The following SATB2 variants were observed in gnomAD, a reference collection of about 807,000 sequenced individuals.
SATB2 encodes the protein SATB homeobox 2, also known as DNA-binding protein SATB2.
Under a neutral mutation model 73.4 loss-of-function variants are expected in SATB2, and 1 was observed. That is an observed-to-expected ratio of 0.01 (90% CI 0.00 to 0.06). SATB2 has a LOEUF of 0.06. Ranked by LOEUF, SATB2 falls within the 10% of genes least tolerant of loss-of-function variation. The probability of loss-of-function intolerance (pLI) is 1.00; values close to 1 mark genes in which losing one functional copy is unlikely to be tolerated. For missense variants in SATB2, 459 were observed against 945.8 expected, an observed-to-expected ratio of 0.49 and a Z score of 6.75; for synonymous variants, 397 against 367.0, an observed-to-expected ratio of 1.08 and a Z score of -0.93.
At chr2:199,288,258 T>G (rs1311570070) in intron 10 of SATB2, among the ~76,000 whole-genome samples, 1 of 152,178 alleles carries the variant, frequency 6.6e-6, no homozygotes, top group Non-Finnish European at 1.5e-5. Context: ...TCATCAAAAT[T>G]TGCTAGCACA....
At chr2:199,400,812 A>C (rs1308231698) in intron 3 of SATB2, among the ~76,000 whole-genome samples, 1 of 152,188 alleles carries the variant, frequency 6.6e-6, no homozygotes, top group South Asian at 2.1e-4. Flanking sequence ...CAAAGCCCAC[A>C]TTCTTTCCAC....
chr2:199,412,474 A>G (rs929079718), intron 3 of SATB2, among the ~76,000 whole-genome samples: 1 of 152,180 alleles, frequency 6.6e-6, no homozygotes, highest in Admixed American at 6.5e-5. Context: ...GGAACCCCTC[A>G]CCACACGCCC....
upstream of SATB2, chr2:199,458,620 T>G: frequency 2.3e-6 from 1 of 435,106 alleles, no homozygotes; most frequent in East Asian, 8.7e-5. Flanking sequence ...GACAAGGCAG[T>G]CGCTGGGTGC....
intron 6 of SATB2, among the ~76,000 whole-genome samples, chr2:199,353,683 T>C (rs1688888822): frequency 6.6e-6 from 1 of 152,104 alleles, no homozygotes; most frequent in African/African-American, 2.4e-5. Flanking sequence ...GCTTTCCTGC[T>C]TTTCTCTTTC....
intron 10 of SATB2, among the ~76,000 whole-genome samples, chr2:199,275,157 T>C (rs1402848511): frequency 6.6e-6 from 1 of 152,180 alleles, no homozygotes; most frequent in East Asian, 1.9e-4. Flanking sequence ...ATTGAATAAT[T>C]AGATTGGTTC....
intron 2 of SATB2, among the ~76,000 whole-genome samples, chr2:199,446,619 T>C (rs1242247638): frequency 1.3e-5 from 2 of 152,356 alleles, no homozygotes; most frequent in South Asian, 4.1e-4. Flanking sequence ...GAACCACTAA[T>C]AGACCCTTAA....
At chr2:199,374,228 A>G (rs1295817998) in intron 5 of SATB2, among the ~76,000 whole-genome samples, 3 of 152,238 alleles carry the variant, frequency 2.0e-5, no homozygotes, top group Non-Finnish European at 4.4e-5. Context: ...TCAAATATTC[A>G]GCAACAAAGT....
intron 6 of SATB2, 149 bp downstream of exon 6, chr2:199,368,456 T>C (rs2105849806): frequency 1.6e-6 from 1 of 641,064 alleles, no homozygotes; most frequent in East Asian, 2.8e-5. Context: ...GGGAGCCAAC[T>C]AGGATCTCAT....
At chr2:199,283,128 G>C (rs1054790603) in intron 10 of SATB2, among the ~76,000 whole-genome samples, 1 of 149,224 alleles carries the variant, frequency 6.7e-6, no homozygotes, top group African/African-American at 2.5e-5. Context: ...CTGTCGCCCA[G>C]GCTGGAGTGC....
rs767336885 is a variant in SATB2 at position 199,379,835 on chromosome 2, G to T, written c.597+529C>A. On this transcript the variant is annotated intron_variant, in intron 5 of 10. Coordinates refer to ENST00000417098, the MANE Select transcript of SATB2 (RefSeq NM_001172509.2). Reference sequence around the variant, plus strand: ...GAGCCACCATGCCTGGCCCGTATACGTAAATTGTTTTAATACTCTCTCCTT... The same window carrying T: ...GAGCCACCATGCCTGGCCCGTATACTTAAATTGTTTTAATACTCTCTCCTT... Among the ~76,000 whole-genome samples, 44 of 150,690 alleles carry T rather than the reference G, an allele frequency of 2.9e-4. 1 individual carries two copies. The highest frequency in any genetic ancestry group is 5.9e-5 in the Non-Finnish European group (4 of 67,658).
chr2:199,467,029 G>A (rs1466778841), upstream of SATB2, among the ~76,000 whole-genome samples: 2 of 152,258 alleles, frequency 1.3e-5, no homozygotes, highest in African/African-American at 2.4e-5. Context: ...GTGCGGCCCC[G>A]GCTGGCCGCC....
In SATB2 at chr2:199,455,224, T is replaced by C. The variant is rs1574644651; in HGVS notation, c.169+645A>G. Among the ~76,000 whole-genome samples, 1 of 152,384 alleles carries C rather than the reference T, an allele frequency of 6.6e-6. No homozygotes were observed. The highest frequency in any genetic ancestry group is 1.9e-4 in the East Asian group (1 of 5,192). On this transcript the variant is annotated intron_variant, in intron 2 of 10. Transcript: ENST00000417098. The surrounding 1 kb of genome is among the most constrained non-coding windows in gnomAD (Gnocchi z 4.1). Reference sequence around the variant, plus strand: ...AATTCTTTGGAGGGGAAACTACATCTAGTTGATAAGGCTACTTTGCTATTT... The same window carrying C: ...AATTCTTTGGAGGGGAAACTACATCCAGTTGATAAGGCTACTTTGCTATTT...
intron 9 of SATB2, among the ~76,000 whole-genome samples, chr2:199,319,513 C>G (rs1324484119): frequency 6.6e-6 from 1 of 152,006 alleles, no homozygotes; most frequent in Admixed American, 6.6e-5. Flanking sequence ...TGGAACAGAA[C>G]AGGGTGTATC....
Position 199,334,190 on chromosome 2 carries a change from C to T in SATB2, c.1174-5280G>A, listed in dbSNP as rs77423773. The stretch of plus-strand genomic sequence containing the variant: ...GACAGCTTAGATGTACTTCTGATTC[C>T]TATGCTAAAAGTAAAATCATACGCT... On this transcript the variant is annotated intron_variant, in intron 7 of 10. Coordinates refer to ENST00000417098, the MANE Select transcript of SATB2 (RefSeq NM_001172509.2). 7.6e-3 allele frequency among the ~76,000 whole-genome samples: 1,157 copies of T among 152,202 alleles called. 12 individuals are homozygous for T. Among genetic ancestry groups the T allele is most frequent in the African/African-American group, 0.026 (1,086 of 41,528 alleles).
At chr2:199,347,448 T>C (rs766976384) in intron 7 of SATB2, 8 of 152,180 alleles carry the variant, frequency 5.3e-5, no homozygotes, top group Non-Finnish European at 8.8e-5. Context: ...AAAATAATAA[T>C]CTTCTTCTTC....
At chr2:199,442,956 TA>T (rs11331676) in intron 2 of SATB2, among the ~76,000 whole-genome samples, 83,621 of 151,278 alleles carry the variant, frequency 0.55, 26,370 homozygotes, top group Non-Finnish European at 0.7. Context: ...GACTCTACCA[TA>T]ATTTATGAAT....
chr2:199,433,064 C>T (rs976706640), intron 3 of SATB2, among the ~76,000 whole-genome samples: 2 of 151,992 alleles, frequency 1.3e-5, no homozygotes, highest in African/African-American at 4.8e-5. Context: ...CAACATTGGT[C>T]CTAACTTAGA....
chr2:199,376,468 T>C (rs1205219927), intron 5 of SATB2, among the ~76,000 whole-genome samples: 1 of 152,172 alleles, frequency 6.6e-6, no homozygotes, highest in Non-Finnish European at 1.5e-5. Context: ...TGGAGACATT[T>C]TGGTTGTCAC....
intron 7 of SATB2, among the ~76,000 whole-genome samples, chr2:199,346,531 A>G (rs1362684069): frequency 1.3e-5 from 2 of 152,240 alleles, no homozygotes; most frequent in Middle Eastern, 3.2e-3. Flanking sequence ...TAATAGAAAT[A>G]CATTTCAATT....
Sources: allele counts gnomAD v4.1 joint callset (sites outside exome capture counted in the v4.1 genomes callset), GRCh38; gene constraint gnomAD v4.1.1; non-coding constraint Gnocchi (gnomAD v3.1); transcripts MANE v1.5; gene names NCBI Gene and HGNC (gene_info 2026-07-23, HGNC 2026-07-21).